Variants in PHACTR1 observed in about 807,000 individuals in gnomAD.
PHACTR1 encodes phosphatase and actin regulator 1, also known as RPEL repeat containing 1.
PHACTR1 carries 16 observed loss-of-function variants against 69.2 expected under a neutral mutation model. The observed-to-expected ratio is 0.23, with a 90% CI of 0.16 to 0.35. The LOEUF (loss-of-function observed/expected upper bound fraction) is 0.35. Among genes scored for constraint, PHACTR1 ranks in the 10% least tolerant of loss-of-function variants. The probability of loss-of-function intolerance (pLI) is 1.00; values close to 1 mark genes in which losing one functional copy is unlikely to be tolerated. For synonymous variants in PHACTR1, 312 were observed against 284.5 expected, an observed-to-expected ratio of 1.10 and a Z score of -0.97; for missense variants, 510 against 734.7, an observed-to-expected ratio of 0.69 and a Z score of 3.54.
rs1373883416 is a variant in PHACTR1, at chr6:13,264,957, G to A, written c.1392-7903G>A. 5.9e-5 allele frequency: 9 copies of A among 152,034 alleles called. No individual in the cohort carries two copies. The East Asian group carries it at 1.7e-3, about 29-fold the overall frequency. The allele number at this position is 152,034 out of a possible 1,614,324, so 9.4% of individuals were successfully genotyped here. A position where few individuals can be genotyped will look rare whatever the true frequency, so the allele number is the denominator to read the frequency against. On this transcript the variant is annotated intron_variant, in intron 10 of 14. Coordinates refer to ENST00000332995, the MANE Select transcript of PHACTR1 (RefSeq NM_030948.6). ...GGATTACTTGAGTCCGAGAGGTTGA[G>A]GCTGCAGTGAGCCAAGGTGGTGCCA...
intron 4 of PHACTR1, among the ~76,000 whole-genome samples, chr6:12,867,415 A>G (rs963356833): frequency 1.3e-5 from 2 of 152,216 alleles, no homozygotes; most frequent in Non-Finnish European, 2.9e-5. Context: ...CCTATTTGTT[A>G]TGCTCTTTTC....
At chr6:12,869,075 T>C (rs1253357058) in intron 4 of PHACTR1, among the ~76,000 whole-genome samples, 1 of 152,098 alleles carries the variant, frequency 6.6e-6, no homozygotes, top group Non-Finnish European at 1.5e-5. Context: ...CCCTTTCTAC[T>C]GCCACCCACA....
At chr6:13,013,754 C>G (rs978763632) in intron 4 of PHACTR1, among the ~76,000 whole-genome samples, 2 of 149,736 alleles carry the variant, frequency 1.3e-5, no homozygotes, top group Admixed American at 1.3e-4. Flanking sequence ...CTCCCCGACC[C>G]GCCCCGCCGC....
chr6:12,954,979 G>A (rs1272225825), intron 4 of PHACTR1, among the ~76,000 whole-genome samples: 1 of 152,134 alleles, frequency 6.6e-6, no homozygotes, highest in Non-Finnish European at 1.5e-5. Context: ...TTTGAGATGT[G>A]ATGAGGGTAT....
chr6:13,070,464 G>C lies in PHACTR1; in HGVS notation c.415+16935G>C, dbSNP rs4454137. Among the ~76,000 whole-genome samples, 1,382 of 152,196 alleles carry C rather than the reference G, an allele frequency of 9.1e-3. 23 individuals are homozygous for C. The highest frequency in any genetic ancestry group is 0.032 in the African/African-American group (1,316 of 41,520). On this transcript the variant is annotated intron_variant, in intron 5 of 14. Transcript: ENST00000332995. ...GTTATGCCTAATACCTGTTTGATAG[G>C]TGAGGGTAAAGAGGCTTAGGAGGGG...
chr6:12,752,558 T>C (rs896952181), intron 4 of PHACTR1, among the ~76,000 whole-genome samples: 3 of 152,266 alleles, frequency 2.0e-5, no homozygotes, highest in African/African-American at 7.2e-5. Context: ...CCATGTTTGA[T>C]ATTTTAGAGG....
In PHACTR1 at chr6:13,283,405, T is replaced by C; in HGVS notation, c.1510-17T>C. Reference sequence around the variant, plus strand: ...ACCCTTCTGGCTGACTGGGTCCATCTCTCTCCCTCCCTGCAGCTCAGTCAA... The same window carrying C: ...ACCCTTCTGGCTGACTGGGTCCATCCCTCTCCCTCCCTGCAGCTCAGTCAA... On this transcript the variant is annotated splice_polypyrimidine_tract_variant and intron_variant, in intron 12 of 14. Coordinates refer to ENST00000332995, the MANE Select transcript of PHACTR1 (RefSeq NM_030948.6). This position sits in a 1 kb window ranked among gnomAD's most constrained non-coding sequence, Gnocchi z 4.7. 1 of 1,612,654 alleles carries C rather than the reference T, an allele frequency of 6.2e-7. No individual in the cohort carries two copies. Among genetic ancestry groups the C allele is most frequent in the Non-Finnish European group, 8.5e-7 (1 of 1,179,478 alleles).
At chr6:13,001,121 T>A (rs932520210) in intron 4 of PHACTR1, among the ~76,000 whole-genome samples, 1 of 152,202 alleles carries the variant, frequency 6.6e-6, no homozygotes, top group Non-Finnish European at 1.5e-5. Flanking sequence ...AGTGGTTCCA[T>A]TGGTAGAAAA....
In PHACTR1 at chr6:12,917,115, A is replaced by T. The variant is rs969997716; in HGVS notation, c.251-136250A>T. On this transcript the variant is annotated intron_variant, in intron 4 of 14. Transcript: ENST00000332995. ...TGCCAGCCTCCAAGTTCAATGCTGC[A>T]CTTGGATTCTTCACTTAATCTTCAT... 2.6e-5 allele frequency among the ~76,000 whole-genome samples: 4 copies of T among 152,306 alleles called. No individual in the cohort carries two copies. In the East Asian group the frequency reaches 7.7e-4, roughly 29 times the overall value.
At chr6:13,117,801 G>T (rs906815213) in intron 5 of PHACTR1, among the ~76,000 whole-genome samples, 2 of 152,036 alleles carry the variant, frequency 1.3e-5, no homozygotes, top group Admixed American at 1.3e-4. Context: ...TCATCCCCTG[G>T]CGATTGTAAT....
chr6:13,150,589 ACATT>A (rs773293325), intron 5 of PHACTR1, among the ~76,000 whole-genome samples: 1 of 152,172 alleles, frequency 6.6e-6, no homozygotes, highest in Non-Finnish European at 1.5e-5. Flanking sequence ...CTAAAATTAG[ACATT>A]CAGAGTTGCA....
chr6:13,000,778 G>A (rs529561608), intron 4 of PHACTR1, among the ~76,000 whole-genome samples: 1 of 152,126 alleles, frequency 6.6e-6, no homozygotes, highest in South Asian at 2.1e-4. Context: ...ACCTTAGAAA[G>A]GTAAATGCTC....
At chr6:12,781,028 C>A (rs909403310) in intron 4 of PHACTR1, among the ~76,000 whole-genome samples, 6 of 152,184 alleles carry the variant, frequency 3.9e-5, no homozygotes, top group African/African-American at 1.4e-4. Context: ...TATTCTCAGG[C>A]AAATTACTAG....
intron 3 of PHACTR1, among the ~76,000 whole-genome samples, chr6:12,742,825 T>A (rs142381286): frequency 1.6e-4 from 25 of 152,174 alleles, no homozygotes; most frequent in African/African-American, 6.0e-4. Flanking sequence ...ATGGCAAGGG[T>A]CATTCATAAC....
intron 5 of PHACTR1, among the ~76,000 whole-genome samples, chr6:13,149,183 T>C (rs1324582196): frequency 6.6e-6 from 1 of 152,208 alleles, no homozygotes; most frequent in African/African-American, 2.4e-5. Flanking sequence ...ATCTGGTATT[T>C]AGATCAGCAT....
intron 5 of PHACTR1, among the ~76,000 whole-genome samples, chr6:13,081,545 C>T (rs942752291): frequency 6.6e-6 from 1 of 152,104 alleles, no homozygotes; most frequent in African/African-American, 2.4e-5. Context: ...AAAGAAGCAG[C>T]CAGGCTGGGG....
chr6:12,726,094 G>A (rs1374664738), intron 3 of PHACTR1, among the ~76,000 whole-genome samples: 1 of 152,052 alleles, frequency 6.6e-6, no homozygotes, highest in Admixed American at 6.6e-5. Flanking sequence ...ATAGGCAATG[G>A]AAGCAAGTCA....
In PHACTR1 at chr6:12,987,477, G is replaced by A. The variant is rs1354643202; in HGVS notation, c.251-65888G>A. On this transcript the variant is annotated intron_variant, in intron 4 of 14. Transcript: ENST00000332995. ...AAAGCATGAGCAAAAGCAAAGTGCT[G>A]AAGACAAATGTTTCTGTTTGGAAAT... is the stretch of plus-strand genomic sequence containing the variant. 3.3e-5 allele frequency among the ~76,000 whole-genome samples: 5 copies of A among 152,302 alleles called. No homozygotes were observed. The South Asian group carries it at 6.2e-4, about 19-fold the overall frequency.
chr6:13,224,390 G>C (rs1298592588), intron 8 of PHACTR1, among the ~76,000 whole-genome samples: 3 of 152,228 alleles, frequency 2.0e-5, no homozygotes, highest in Non-Finnish European at 2.9e-5. Flanking sequence ...TGAATGCATA[G>C]TTGCAGGTGA....
Sources: allele counts gnomAD v4.1 joint callset (sites outside exome capture counted in the v4.1 genomes callset), GRCh38; gene constraint gnomAD v4.1.1; non-coding constraint Gnocchi (gnomAD v3.1); transcripts MANE v1.5; gene names NCBI Gene and HGNC (gene_info 2026-07-23, HGNC 2026-07-21).